The following SOX5 variants were observed in gnomAD, a reference collection of about 807,000 sequenced individuals.
SOX5 encodes SRY-box transcription factor 5.
A neutral mutation model predicts 92.0 loss-of-function variants in SOX5; 9 were observed. That is an observed-to-expected ratio of 0.10 (90% confidence interval 0.06 to 0.17). SOX5 has a LOEUF of 0.17. Ranked by LOEUF, SOX5 falls within the 10% of genes least tolerant of loss-of-function variation. The pLI is 1.00. For missense variants in SOX5, 642 were observed against 944.5 expected (o/e 0.68, Z 4.20); for synonymous variants, 344 against 336.3 (o/e 1.02, Z -0.25).
chr12:24,467,721 GATTTAT>G (rs759721367), intron 1 of SOX5, among the ~76,000 whole-genome samples: 15 of 152,124 alleles, frequency 9.9e-5, no homozygotes, highest in Non-Finnish European at 1.5e-4. Context: ...TATATGGTCA[GATTTAT>G]ATTTTGGAAA....
At chr12:24,262,327 T>C (rs11047334) in intron 3 of SOX5, among the ~76,000 whole-genome samples, 22,927 of 152,130 alleles carry the variant, frequency 0.15, 2,204 homozygotes, top group South Asian at 0.23. Context: ...TAGAAGGCAT[T>C]CAAAGACACA....
intron 6 of SOX5, among the ~76,000 whole-genome samples, chr12:23,705,594 G>C (rs1227349002): frequency 2.0e-5 from 3 of 152,020 alleles, no homozygotes; most frequent in Non-Finnish European, 4.4e-5. Context: ...CTGATGGGCT[G>C]CTGCTCTTTT....
chr12:24,150,167 C>G (rs1951511653), intron 4 of SOX5, among the ~76,000 whole-genome samples: 1 of 152,096 alleles, frequency 6.6e-6, no homozygotes, highest in Admixed American at 6.5e-5. Flanking sequence ...TTGTTAGAAA[C>G]TCATTGTACA....
chr12:24,346,194 A>C lies in SOX5; in HGVS notation c.-174+22369T>G, dbSNP rs75493597. ...TCCATGCATTTAGGGAAATTTTCCCAGAATCCTTCCATATTACTGATAATC... is the reference window on the plus strand; with the variant it reads ...TCCATGCATTTAGGGAAATTTTCCCCGAATCCTTCCATATTACTGATAATC... On this transcript the variant is annotated intron_variant, in intron 2 of 4. Transcript: ENST00000446891. 1.6e-3 allele frequency among the ~76,000 whole-genome samples: 240 copies of C among 152,346 alleles called. 1 individual carries two copies. In the East Asian group the frequency reaches 0.038, roughly 24 times the overall value.
intron 2 of SOX5, among the ~76,000 whole-genome samples, chr12:24,298,875 G>A (rs751949147): frequency 1.3e-5 from 2 of 151,274 alleles, no homozygotes; most frequent in African/African-American, 4.9e-5. Context: ...AGCCAGGAGT[G>A]AGAAAGTTAA....
chr12:24,263,677 G>A (rs903048165), intron 3 of SOX5, among the ~76,000 whole-genome samples: 1 of 151,684 alleles, frequency 6.6e-6, no homozygotes, highest in Admixed American at 6.6e-5. Context: ...TAAAAAAATA[G>A]ATTAAAATCT....
intron 3 of SOX5, among the ~76,000 whole-genome samples, chr12:23,769,518 G>C (rs2094851573): frequency 6.6e-6 from 1 of 152,114 alleles, no homozygotes. Context: ...TTCACCAGCA[G>C]CTCTAGGCTC....
intron 4 of SOX5, among the ~76,000 whole-genome samples, chr12:23,959,317 G>T (rs1946630717): frequency 6.6e-6 from 1 of 151,740 alleles, no homozygotes; most frequent in Non-Finnish European, 1.5e-5. Context: ...AAATACAATG[G>T]AATAAAAAGA....
At chr12:23,870,105 T>C (rs545499273) in intron 2 of SOX5, among the ~76,000 whole-genome samples, 2 of 152,198 alleles carry the variant, frequency 1.3e-5, no homozygotes, top group East Asian at 3.9e-4. Context: ...TTTTTTCCTA[T>C]CATACTGTTA....
chr12:23,744,243 A>G (rs2093905491), intron 4 of SOX5, among the ~76,000 whole-genome samples: 1 of 152,142 alleles, frequency 6.6e-6, no homozygotes, highest in African/African-American at 2.4e-5. Flanking sequence ...TTCAAACTCT[A>G]AGAACTATAT....
chr12:23,956,343 C>T (rs1323113056), intron 4 of SOX5, among the ~76,000 whole-genome samples: 4 of 152,194 alleles, frequency 2.6e-5, no homozygotes, highest in Non-Finnish European at 5.9e-5. Context: ...GGTCCATGTC[C>T]TGTTATGAAC....
chr12:24,051,867 C>T (rs1433337864), intron 4 of SOX5, among the ~76,000 whole-genome samples: 1 of 152,196 alleles, frequency 6.6e-6, no homozygotes, highest in Admixed American at 6.5e-5. Flanking sequence ...ATCTGTTATA[C>T]ACTGTTCAAC....
chr12:24,298,901 G>C (rs1032325989), intron 2 of SOX5, among the ~76,000 whole-genome samples: 9 of 151,240 alleles, frequency 6.0e-5, no homozygotes, highest in African/African-American at 2.2e-4. Context: ...TAAATCCCTA[G>C]TTTTCAGTAT....
chr12:23,801,017 A>G (rs762692718), intron 3 of SOX5, among the ~76,000 whole-genome samples: 27 of 152,190 alleles, frequency 1.8e-4, no homozygotes, highest in Non-Finnish European at 3.4e-4. Context: ...GATGCTTCTC[A>G]AGGAAAACAC....
At chr12:24,183,478 T>A (rs1186455791) in intron 4 of SOX5, among the ~76,000 whole-genome samples, 1 of 152,184 alleles carries the variant, frequency 6.6e-6, no homozygotes, top group Non-Finnish European at 1.5e-5. Flanking sequence ...AACTAAGCTG[T>A]CCTGGCATAT....
chr12:23,980,430 AGG>A (rs1949465114), intron 4 of SOX5, among the ~76,000 whole-genome samples: 1 of 152,156 alleles, frequency 6.6e-6, no homozygotes, highest in South Asian at 2.1e-4. Context: ...ATTTTTGAAG[AGG>A]GTGAGTTCTA....
chr12:24,285,756 A>G (rs1476407285), intron 2 of SOX5, among the ~76,000 whole-genome samples: 1 of 152,256 alleles, frequency 6.6e-6, no homozygotes, highest in African/African-American at 2.4e-5. Flanking sequence ...CACACACATC[A>G]TAAAAATGAC....
intron 6 of SOX5, among the ~76,000 whole-genome samples, chr12:23,703,679 T>C (rs1399848371): frequency 6.6e-6 from 1 of 151,690 alleles, no homozygotes; most frequent in East Asian, 1.9e-4. Flanking sequence ...ATTTCTTGTA[T>C]GAAATTTTCA....
intron 1 of SOX5, among the ~76,000 whole-genome samples, chr12:23,904,274 G>T (rs2097267437): frequency 6.6e-6 from 1 of 151,950 alleles, no homozygotes; most frequent in South Asian, 2.1e-4. Flanking sequence ...CTTGCCATCA[G>T]TTTCTGATAT....
Sources: gnomAD v4.1 joint callset for allele counts (sites outside exome capture counted in the v4.1 genomes callset) on GRCh38, gnomAD v4.1.1 for gene constraint, MANE v1.5 for transcripts, NCBI Gene and HGNC (gene_info 2026-07-23, HGNC 2026-07-21) for gene names.